The following NKAIN3 variants were observed in gnomAD, a reference collection of about 807,000 sequenced individuals.
The protein encoded by NKAIN3 is sodium/potassium-transporting ATPase subunit beta-1-interacting protein 3.
Under a neutral mutation model 30.2 loss-of-function variants are expected in NKAIN3, and 25 were observed. That is an observed-to-expected ratio of 0.83 (90% CI 0.60 to 1.16). NKAIN3 has a LOEUF of 1.16. NKAIN3 is among the 50% of genes most tolerant of loss of function. NKAIN3 has a pLI of 0.00. For missense variants in NKAIN3, 225 were observed against 254.1 expected (o/e 0.89, Z 0.78); for synonymous variants, 91 against 89.6 (o/e 1.02, Z -0.09).
chr8:62,351,775 T>G (rs1348978467), intron 1 of NKAIN3, among the ~76,000 whole-genome samples: 1 of 152,184 alleles, frequency 6.6e-6, no homozygotes, highest in African/African-American at 2.4e-5. Flanking sequence ...AAATGTTAAT[T>G]TCTATTGGAC....
At chr8:62,514,731 A>C (rs946670821) in intron 1 of NKAIN3, among the ~76,000 whole-genome samples, 1 of 152,112 alleles carries the variant, frequency 6.6e-6, no homozygotes, top group Non-Finnish European at 1.5e-5. Flanking sequence ...AAGGGATGTT[A>C]ATACACCTAA....
At chr8:62,900,970 G>A (rs144372757) in intron 4 of NKAIN3, among the ~76,000 whole-genome samples, 168 of 152,248 alleles carry the variant, frequency 1.1e-3, no homozygotes, top group Non-Finnish European at 1.2e-3. Flanking sequence ...GCCTCATGTT[G>A]ATCCCCCAAC....
intron 4 of NKAIN3, among the ~76,000 whole-genome samples, chr8:62,762,378 A>G (rs1816695520): frequency 6.6e-6 from 1 of 152,170 alleles, no homozygotes; most frequent in South Asian, 2.1e-4. Flanking sequence ...ACTCATTTGA[A>G]TACTGGGGCT....
chr8:62,719,918 G>C (rs1180923937), intron 3 of NKAIN3, among the ~76,000 whole-genome samples: 1 of 151,708 alleles, frequency 6.6e-6, no homozygotes. Flanking sequence ...TACCACGCCT[G>C]GCTAATTTTT....
chr8:62,485,319 A>G (rs957565475), intron 1 of NKAIN3, among the ~76,000 whole-genome samples: 1 of 152,180 alleles, frequency 6.6e-6, no homozygotes, highest in Non-Finnish European at 1.5e-5. Context: ...TGGTCTCTGT[A>G]TATGTAATTT....
At chr8:62,354,977 A>G (rs1336155131) in intron 1 of NKAIN3, among the ~76,000 whole-genome samples, 1 of 152,140 alleles carries the variant, frequency 6.6e-6, no homozygotes, top group Non-Finnish European at 1.5e-5. Context: ...CTAGAGAGTA[A>G]GCAAGCTATC....
At chr8:62,991,981 C>T (rs4739038) in intron 5 of NKAIN3, among the ~76,000 whole-genome samples, 27,636 of 150,394 alleles carry the variant, frequency 0.18, 2,721 homozygotes, top group East Asian at 0.38. Context: ...CCCAGCACTG[C>T]TCCCCTCGCC....
At chr8:62,554,355 A>G (rs560925237) in intron 1 of NKAIN3, among the ~76,000 whole-genome samples, 1 of 152,310 alleles carries the variant, frequency 6.6e-6, no homozygotes, top group African/African-American at 2.4e-5. Context: ...TCCTAAAGGA[A>G]TACTCAAGCT....
At chr8:62,731,672 AAGTT>A (rs1422339316) in intron 3 of NKAIN3, among the ~76,000 whole-genome samples, 2 of 151,962 alleles carry the variant, frequency 1.3e-5, no homozygotes, top group South Asian at 2.1e-4. Flanking sequence ...ATAGTACAAA[AAGTT>A]AGCCCCCGAA....
At chr8:62,548,740 T>G (rs1190414890) in intron 1 of NKAIN3, among the ~76,000 whole-genome samples, 1 of 151,312 alleles carries the variant, frequency 6.6e-6, no homozygotes, top group Non-Finnish European at 1.5e-5. Flanking sequence ...TACAATTATA[T>G]GTATGTATGT....
chr8:62,459,106 T>C (rs1805909272), intron 1 of NKAIN3, among the ~76,000 whole-genome samples: 1 of 151,346 alleles, frequency 6.6e-6, no homozygotes, highest in Non-Finnish European at 1.5e-5. Flanking sequence ...GACCCTAGAC[T>C]GGCAGGCCTC....
intron 1 of NKAIN3, among the ~76,000 whole-genome samples, chr8:62,495,500 A>G (rs1470658171): frequency 6.6e-6 from 1 of 150,984 alleles, no homozygotes; most frequent in East Asian, 1.9e-4. Flanking sequence ...GTTATGAAGA[A>G]TACAAAAGTA....
intron 4 of NKAIN3, chr8:62,855,805 AGACAAGCT>A (rs1306135656): frequency 2.0e-6 from 2 of 985,314 alleles, no homozygotes; most frequent in African/African-American, 3.2e-5. Context: ...AAGAGTAAAA[AGACAAGCT>A]GGAATCCTGG....
chr8:62,857,431 G>C (rs1820096683), intron 4 of NKAIN3, among the ~76,000 whole-genome samples: 1 of 152,192 alleles, frequency 6.6e-6, no homozygotes, highest in African/African-American at 2.4e-5. Flanking sequence ...ATGATATCCT[G>C]AAGTATGTTT....
At chr8:62,956,984 TA>T (rs1823436705) in intron 6 of NKAIN3, among the ~76,000 whole-genome samples, 1 of 152,210 alleles carries the variant, frequency 6.6e-6, no homozygotes, top group Non-Finnish European at 1.5e-5. Flanking sequence ...AAAAGCAGAA[TA>T]AATATAACTA....
rs1318140400 is a variant in NKAIN3, at chr8:62,867,285, A to G, written c.472-51168A>G. ...ATCAGGCAATTTCATTAGTCTTCTC[A>G]TGTCTCAATTTCTTCTTTACGAATT... On this transcript the variant is annotated intron_variant, in intron 4 of 6. Transcript: ENST00000623646. Among the ~76,000 whole-genome samples the G allele has an allele frequency of 2.6e-5, 4 of 152,264 alleles. No individual in the cohort carries two copies. The East Asian group carries it at 7.7e-4, about 29-fold the overall frequency.
intron 1 of NKAIN3, among the ~76,000 whole-genome samples, chr8:62,326,135 G>T (rs1815116609): frequency 6.6e-6 from 1 of 151,510 alleles, no homozygotes; most frequent in South Asian, 2.1e-4. Context: ...ATAATTATTG[G>T]CTTTGGAAAG....
At chr8:62,379,022 G>A (rs1439352676) in intron 1 of NKAIN3, among the ~76,000 whole-genome samples, 1 of 152,216 alleles carries the variant, frequency 6.6e-6, no homozygotes, top group Non-Finnish European at 1.5e-5. Flanking sequence ...AAAGCCACAG[G>A]GATGGAGCTT....
intron 3 of NKAIN3, among the ~76,000 whole-genome samples, chr8:62,597,636 T>G (rs373460106): frequency 6.6e-6 from 1 of 151,996 alleles, no homozygotes; most frequent in South Asian, 2.1e-4. Context: ...ATTTACTTAG[T>G]AGGCTTTTCA....
Sources: gnomAD v4.1 joint callset for allele counts (sites outside exome capture counted in the v4.1 genomes callset) on GRCh38, gnomAD v4.1.1 for gene constraint, MANE v1.5 for transcripts, NCBI Gene and HGNC (gene_info 2026-07-23, HGNC 2026-07-21) for gene names.